Variants in PPP1R12A observed in about 807,000 individuals in gnomAD.
The protein encoded by PPP1R12A is myosin binding subunit.
Under a neutral mutation model 139.6 loss-of-function variants are expected in PPP1R12A, and 19 were observed. That is an observed-to-expected ratio of 0.14 (90% confidence interval 0.09 to 0.20). The LOEUF (loss-of-function observed/expected upper bound fraction) is 0.20, where lower values mean the gene tolerates loss of function less well. Among genes scored for constraint, PPP1R12A ranks in the 10% least tolerant of loss-of-function variants. PPP1R12A has a pLI of 1.00. For synonymous variants in PPP1R12A, 427 were observed against 420.6 expected, an observed-to-expected ratio of 1.02 and a Z score of -0.19; for missense variants, 925 against 1,211.5, an observed-to-expected ratio of 0.76 and a Z score of 3.51.
At chr12:79,896,763 G>T (rs1885170870) in intron 1 of PPP1R12A, among the ~76,000 whole-genome samples, 2 of 152,148 alleles carry the variant, frequency 1.3e-5, no homozygotes, top group Non-Finnish European at 2.9e-5. Flanking sequence ...TTCCTCATTT[G>T]TGTATGACAA....
rs1384382261 is a variant in PPP1R12A, at chr12:79,786,481, A to AC, written c.2803-4_2803-3insG. The stretch of plus-strand genomic sequence containing the variant: ...TCAGCTAGAATTTGTTCATAAAGCT[A>AC]TAAAAATTAGGGTAAAAGAACAAAT... On this transcript the variant is annotated splice_polypyrimidine_tract_variant and splice_region_variant and intron_variant, in intron 21 of 24. Transcript: ENST00000450142. 6.6e-7 allele frequency: 1 copy of AC among 1,521,516 alleles called. No individual in the cohort carries two copies. The highest frequency in any genetic ancestry group is 2.2e-5 in the Admixed American group (1 of 44,926). 94.3% of individuals were successfully genotyped at this position (1,521,516 alleles called of 1,614,324 possible). A position where few individuals can be genotyped will look rare whatever the true frequency, so the allele number is the denominator to read the frequency against.
chr12:79,804,732 A>AT (rs1188690130), intron 14 of PPP1R12A, among the ~76,000 whole-genome samples: 8 of 151,734 alleles, frequency 5.3e-5, no homozygotes, highest in Admixed American at 1.3e-4. Context: ...CTAAGGTTTT[A>AT]TTTTTTTTCA....
chr12:79,850,923 C>T (rs1879969839), intron 2 of PPP1R12A, among the ~76,000 whole-genome samples: 4 of 152,188 alleles, frequency 2.6e-5, no homozygotes, highest in African/African-American at 9.7e-5. Flanking sequence ...GCTTCCCCTG[C>T]CATGCTTCCT....
Position 79,797,030 on chromosome 12 carries a change from A to G in PPP1R12A, c.2293-80T>C, listed in dbSNP as rs1229470946. ...TAAAAATACTTAAAAATTCATTTCA[A>G]AGAAAAAGTAGTATACTAATCACGC... On this transcript the variant is annotated intron_variant, in intron 16 of 24. Transcript: ENST00000450142. The G allele has an allele frequency of 3.4e-6, 5 of 1,462,262 alleles. No individual in the cohort carries two copies. The East Asian group carries it at 1.1e-4, about 33-fold the overall frequency. 90.6% of individuals were successfully genotyped at this position (1,462,262 alleles called of 1,614,324 possible).
chr12:79,791,984 C>A (rs1454472060), intron 19 of PPP1R12A, among the ~76,000 whole-genome samples: 1 of 151,974 alleles, frequency 6.6e-6, no homozygotes, highest in African/African-American at 2.4e-5. Flanking sequence ...GTAAAAATAT[C>A]TTTTTAAAGA....
chr12:79,899,802 G>A (rs1885467438), intron 1 of PPP1R12A, among the ~76,000 whole-genome samples: 1 of 152,076 alleles, frequency 6.6e-6, no homozygotes, highest in South Asian at 2.1e-4. Context: ...TCTTTACAAA[G>A]CAATTGTACC....
intron 2 of PPP1R12A, among the ~76,000 whole-genome samples, chr12:79,870,016 T>C (rs112659608): frequency 2.0e-5 from 3 of 151,898 alleles, no homozygotes; most frequent in African/African-American, 7.3e-5. Context: ...GACTATTATT[T>C]TTCTATACCC....
intron 19 of PPP1R12A, 72 bp downstream of exon 19, chr12:79,793,791 A>G: frequency 8.2e-7 from 1 of 1,218,544 alleles, no homozygotes; most frequent in South Asian, 1.3e-5. Flanking sequence ...GAATAAACAT[A>G]ATAAAACGCA....
intron 9 of PPP1R12A, among the ~76,000 whole-genome samples, chr12:79,813,954 A>G (rs1030820111): frequency 1.3e-5 from 2 of 152,198 alleles, no homozygotes; most frequent in East Asian, 1.9e-4. Flanking sequence ...AACTTTATCT[A>G]AATATTAGAA....
chr12:79,821,940 G>A (rs1353347801), intron 6 of PPP1R12A, among the ~76,000 whole-genome samples, 176 bp downstream of exon 6: 1 of 152,046 alleles, frequency 6.6e-6, no homozygotes, highest in East Asian at 1.9e-4. Context: ...ATGGGGATAA[G>A]CAACACAAAA....
At chr12:79,870,024 C>T (rs1446730431) in intron 2 of PPP1R12A, among the ~76,000 whole-genome samples, 4 of 151,686 alleles carry the variant, frequency 2.6e-5, no homozygotes, top group Non-Finnish European at 5.9e-5. Context: ...TTTTTCTATA[C>T]CCAAGAAAAC....
chr12:79,807,550 GA>G (rs1873993664), intron 11 of PPP1R12A, among the ~76,000 whole-genome samples: 1 of 151,878 alleles, frequency 6.6e-6, no homozygotes, highest in South Asian at 2.1e-4. Flanking sequence ...GATATTTATA[GA>G]AATATGCTTT....
At chr12:79,931,169 T>G (rs1199836677) in intron 1 of PPP1R12A, among the ~76,000 whole-genome samples, 1 of 152,196 alleles carries the variant, frequency 6.6e-6, no homozygotes, top group Non-Finnish European at 1.5e-5. Context: ...AACGTAAAAT[T>G]ATAATACTGA....
chr12:79,876,066 C>T (rs970358020), intron 1 of PPP1R12A, among the ~76,000 whole-genome samples: 3 of 152,150 alleles, frequency 2.0e-5, no homozygotes, highest in African/African-American at 7.2e-5. Flanking sequence ...CAGCATTATA[C>T]ACAAGCAATG....
At chr12:79,856,646 CT>C (rs1880693997) in intron 2 of PPP1R12A, among the ~76,000 whole-genome samples, 1 of 152,178 alleles carries the variant, frequency 6.6e-6, no homozygotes, top group South Asian at 2.1e-4. Flanking sequence ...CCTTCTAGTT[CT>C]TTTTTTCTTT....
intron 2 of PPP1R12A, among the ~76,000 whole-genome samples, chr12:79,868,820 T>TA (rs1476039888): frequency 1.3e-5 from 2 of 151,538 alleles, no homozygotes; most frequent in Non-Finnish European, 2.9e-5. Flanking sequence ...CTGCCCATAA[T>TA]ACTGATTCAG....
At chr12:79,806,105 A>C in intron 13 of PPP1R12A, 61 bp downstream of exon 13, 5 of 1,508,728 alleles carry the variant, frequency 3.3e-6, no homozygotes, top group Non-Finnish European at 4.5e-6. Context: ...TTCTAAACAA[A>C]AACGCATGCA....
At chr12:79,785,086 A>C (rs554938895) in intron 22 of PPP1R12A, among the ~76,000 whole-genome samples, 6 of 152,362 alleles carry the variant, frequency 3.9e-5, no homozygotes, top group Admixed American at 1.3e-4. Context: ...ATTAAAAAAC[A>C]GCAACATCAG....
At chr12:79,801,925 T>G (rs1375025828) in intron 14 of PPP1R12A, among the ~76,000 whole-genome samples, 4 of 152,204 alleles carry the variant, frequency 2.6e-5, no homozygotes, top group Non-Finnish European at 5.9e-5. Context: ...TATATTAAGA[T>G]GAAAATTCCA....
Sources: gnomAD v4.1 joint callset for allele counts (sites outside exome capture counted in the v4.1 genomes callset) on GRCh38, gnomAD v4.1.1 for gene constraint, MANE v1.5 for transcripts, NCBI Gene and HGNC (gene_info 2026-07-23, HGNC 2026-07-21) for gene names.